PIP5K1C: variants seen among roughly 807,000 people sequenced by gnomAD.
PIP5K1C encodes phosphatidylinositol-4-phosphate 5-kinase type 1 gamma.
Under a neutral mutation model 80.1 loss-of-function variants are expected in PIP5K1C, and 45 were observed. The observed-to-expected ratio is 0.56, with a 90% CI of 0.44 to 0.72. PIP5K1C has a LOEUF of 0.72. PIP5K1C is among the 30% of genes least tolerant of loss of function. The pLI is 0.00. For missense variants in PIP5K1C, 753 were observed against 954.6 expected (o/e 0.79, Z 2.78); for synonymous variants, 498 against 420.1 (o/e 1.19, Z -2.27).
intron 1 of PIP5K1C, among the ~76,000 whole-genome samples, chr19:3,700,033 G>T (rs185295073): frequency 6.6e-6 from 1 of 152,184 alleles, no homozygotes; most frequent in African/African-American, 2.4e-5. Context: ...GGGTCAGGCA[G>T]AACGGGGATC....
At chr19:3,691,997 C>T (rs1418548638) in intron 1 of PIP5K1C, among the ~76,000 whole-genome samples, 1 of 152,190 alleles carries the variant, frequency 6.6e-6, no homozygotes, top group African/African-American at 2.4e-5. Flanking sequence ...GCAGCCCCGC[C>T]CATGTCAGCG....
chr19:3,653,245 G>A (rs2034512487), intron 7 of PIP5K1C, 45 bp downstream of exon 7: 2 of 1,582,280 alleles, frequency 1.3e-6, no homozygotes, highest in African/African-American at 2.7e-5. Flanking sequence ...TCACCACGCA[G>A]TCCCACCTGC....
intron 1 of PIP5K1C, among the ~76,000 whole-genome samples, chr19:3,674,456 G>A (rs1167892583): frequency 6.6e-6 from 1 of 151,796 alleles, no homozygotes; most frequent in Admixed American, 6.6e-5. Flanking sequence ...GGGTTCAAGC[G>A]ATTCTCCTGC....
chr19:3,670,762 C>T (rs554198972), intron 1 of PIP5K1C, among the ~76,000 whole-genome samples: 1 of 145,960 alleles, frequency 6.9e-6, no homozygotes, highest in Non-Finnish European at 1.6e-5. Context: ...GCTGGGTGGG[C>T]AGCGGGTGGG....
In PIP5K1C at chr19:3,696,706, AC is replaced by A. The variant is rs2036113481; in HGVS notation, c.94+3590del. Among the ~76,000 whole-genome samples, 3 of 96,030 alleles carry A rather than the reference AC, an allele frequency of 3.1e-5. No homozygotes were observed. The highest frequency in any genetic ancestry group is 1.4e-4 in the African/African-American group (3 of 21,032). 63.0% of individuals were successfully genotyped at this position (96,030 alleles called of 152,430 possible). A position where few individuals can be genotyped will look rare whatever the true frequency, so the allele number is the denominator to read the frequency against. ...CCCATGGGCCTACAGCAGAGTGCAG[AC>A]GGGAGGGCAGGGAGGGCAGAGTGCG... On this transcript the variant is annotated intron_variant, in intron 1 of 17. Coordinates refer to ENST00000335312, the MANE Select transcript of PIP5K1C (RefSeq NM_012398.3). The surrounding 1 kb of genome is among the most constrained non-coding windows in gnomAD (Gnocchi z 4.1).
chr19:3,698,418 C>A (rs952333785), intron 1 of PIP5K1C, among the ~76,000 whole-genome samples: 1 of 152,218 alleles, frequency 6.6e-6, no homozygotes. Context: ...CACTGCCTGG[C>A]GCTCGCCCTC....
intron 1 of PIP5K1C, among the ~76,000 whole-genome samples, chr19:3,689,286 C>G (rs925330220): frequency 1.3e-5 from 2 of 152,306 alleles, no homozygotes; most frequent in East Asian, 3.9e-4. Flanking sequence ...CACAGGAACC[C>G]GACCTTGGGT....
intron 1 of PIP5K1C, among the ~76,000 whole-genome samples, chr19:3,682,046 G>A (rs76236985): frequency 0.07 from 10,649 of 152,120 alleles, 463 homozygotes; most frequent in Non-Finnish European, 0.092. Flanking sequence ...TAGCACAGAG[G>A]GAGACAAAGA....
intron 6 of PIP5K1C, among the ~76,000 whole-genome samples, chr19:3,655,899 G>A (rs980957920): frequency 6.6e-6 from 1 of 152,216 alleles, no homozygotes; most frequent in Non-Finnish European, 1.5e-5. Context: ...GGGGCCTGAC[G>A]CACCCTTTCT....
In PIP5K1C at chr19:3,691,585, A is replaced by C. The variant is rs529454063; in HGVS notation, c.94+8712T>G. Among the ~76,000 whole-genome samples, 7 of 127,518 alleles carry C rather than the reference A, an allele frequency of 5.5e-5. No individual in the cohort carries two copies. In the South Asian group the frequency reaches 1.8e-3, roughly 33 times the overall value. The allele number at this position is 127,518 out of a possible 152,430, so 83.7% of individuals were successfully genotyped here. On this transcript the variant is annotated intron_variant, in intron 1 of 17. Transcript: ENST00000335312. ...AAACCAGCCCATCCTAGGCACACCC[A>C]GCCCATCTACCCCGCCTGGCCCGTC...
intron 8 of PIP5K1C, among the ~76,000 whole-genome samples, chr19:3,650,255 G>A (rs868478724): frequency 9.2e-5 from 14 of 152,342 alleles, no homozygotes; most frequent in Middle Eastern, 3.4e-3. Flanking sequence ...TGGCTGCACT[G>A]GGGAAGGCTG....
At chr19:3,642,758 T>C (rs2034018358) in intron 14 of PIP5K1C, 149 bp downstream of exon 14, 1 of 710,180 alleles carries the variant, frequency 1.4e-6, no homozygotes, top group Non-Finnish European at 2.5e-6. Flanking sequence ...GAAGATTGTG[T>C]GCGGTGCTAG....
intron 1 of PIP5K1C, among the ~76,000 whole-genome samples, chr19:3,698,645 A>G (rs2145636399): frequency 6.6e-6 from 1 of 152,056 alleles, no homozygotes; most frequent in African/African-American, 2.4e-5. Flanking sequence ...CAGCACCCCT[A>G]ATTTCCTGAC....
intron 1 of PIP5K1C, among the ~76,000 whole-genome samples, chr19:3,684,729 C>T (rs977356345): frequency 3.3e-5 from 5 of 152,196 alleles, no homozygotes; most frequent in Admixed American, 1.3e-4. Flanking sequence ...GCACCCAGAG[C>T]GGGACCACCA....
intron 6 of PIP5K1C, among the ~76,000 whole-genome samples, chr19:3,655,838 GCCCAGGAACA>G (rs1294013386): frequency 1.3e-5 from 2 of 152,200 alleles, no homozygotes; most frequent in African/African-American, 4.8e-5. Flanking sequence ...GGAATCCCAG[GCCCAGGAACA>G]CTGTGGCAGC....
rs188749989 is a variant in PIP5K1C, at chr19:3,651,717, T to C, written c.1127+109A>G. On this transcript the variant is annotated intron_variant, in intron 8 of 17. Transcript: ENST00000335312. ...CCAGACTCTGTCTGTCACCCACGCATGCCCTCGCCAGCCCTCCCTGCCTGT... is the reference window on the plus strand; with the variant it reads ...CCAGACTCTGTCTGTCACCCACGCACGCCCTCGCCAGCCCTCCCTGCCTGT... 1.2e-3 allele frequency: 1,341 copies of C among 1,110,630 alleles called. 18 individuals are homozygous for C. The highest frequency in any genetic ancestry group is 7.4e-4 in the East Asian group (31 of 42,002). 68.8% of individuals were successfully genotyped at this position (1,110,630 alleles called of 1,614,324 possible). A position where few individuals can be genotyped will look rare whatever the true frequency, so the allele number is the denominator to read the frequency against.
chr19:3,641,806 C>CA lies in PIP5K1C; in HGVS notation c.1685_1686insT (p.Gln563AlafsTer47). The CA allele has an allele frequency of 6.2e-7, 1 of 1,610,878 alleles. No homozygotes were observed. The highest frequency in any genetic ancestry group is 8.5e-7 in the Non-Finnish European group (1 of 1,179,518). Reference sequence around the variant, plus strand: ...CCTCTTCCGCGGGTGGCTCCTCCTGCGGCCTGCAGGCAATGGGAGGTTGTG... The same window carrying CA: ...CCTCTTCCGCGGGTGGCTCCTCCTGCAGGCCTGCAGGCAATGGGAGGTTGTG... On this transcript the variant is annotated frameshift_variant, in exon 15 of 18. Transcript: ENST00000335312. LOFTEE classifies it high-confidence loss of function.
intron 16 of PIP5K1C, among the ~76,000 whole-genome samples, chr19:3,635,185 G>A (rs956583368): frequency 6.6e-6 from 1 of 152,270 alleles, no homozygotes; most frequent in Admixed American, 6.5e-5. Flanking sequence ...CCGCTCTCTG[G>A]GAGGGGCATC....
Position 3,662,626 on chromosome 19 carries a change from C to T in PIP5K1C, c.220-625G>A, listed in dbSNP as rs181726350. ...TGTCGCCCAGGCTGGAGTGCAGTGG[C>T]GCAATCTCAGCTCACTGCAACCTCC... On this transcript the variant is annotated intron_variant, in intron 3 of 17. Coordinates refer to ENST00000335312, the MANE Select transcript of PIP5K1C (RefSeq NM_012398.3). 1.2e-4 allele frequency among the ~76,000 whole-genome samples: 18 copies of T among 150,440 alleles called. No individual in the cohort carries two copies. In the East Asian group the frequency reaches 3.2e-3, roughly 26 times the overall value.
Sources: gnomAD v4.1 joint callset for allele counts (sites outside exome capture counted in the v4.1 genomes callset) on GRCh38, gnomAD v4.1.1 for gene constraint, Gnocchi (gnomAD v3.1) non-coding constraint, MANE v1.5 for transcripts, NCBI Gene and HGNC (gene_info 2026-07-23, HGNC 2026-07-21) for gene names.